MED15: variants seen among roughly 807,000 people sequenced by gnomAD.
MED15 encodes the protein mediator of RNA polymerase II transcription subunit 15.
In MED15, 41 loss-of-function variants were observed where a neutral mutation model predicts 118.7. That is an observed-to-expected ratio of 0.35 (90% CI 0.27 to 0.45). The LOEUF is 0.45. Among genes scored for constraint, MED15 ranks in the 20% least tolerant of loss-of-function variants. MED15 has a pLI of 1.00. For missense variants in MED15, 740 were observed against 1,025.5 expected (o/e 0.72, Z 3.80); for synonymous variants, 436 against 413.9 (o/e 1.05, Z -0.65).
At chr22:20,509,160 G>A (rs1301018653) in intron 1 of MED15, among the ~76,000 whole-genome samples, 1 of 152,116 alleles carries the variant, frequency 6.6e-6, no homozygotes, top group African/African-American at 2.4e-5. Flanking sequence ...CGAGGAGTAA[G>A]AGAGCCCAGG....
chr22:20,508,296 AGCGATCGTCGTTTCT>A, intron 1 of MED15: 2 of 1,302,640 alleles, frequency 1.5e-6, no homozygotes, highest in Non-Finnish European at 2.0e-6. Flanking sequence ...GCTGTCAGGA[AGCGATCGTCGTTTCT>A]GGAGGAGAGC....
intron 5 of MED15, 30 bp downstream of exon 5, chr22:20,555,178 C>T (rs201213617): frequency 4.6e-6 from 7 of 1,538,112 alleles, no homozygotes; most frequent in East Asian, 4.8e-5. Flanking sequence ...GAGGATTTGC[C>T]GCTTTCCTTG....
rs910679232 is a variant in MED15, at chr22:20,507,888, G to A, written c.68+142G>A. ...GGACTTGCGTGGGTCCCAGGGCTCG[G>A]GCCCCCCCGTCTGTCCCCTCCGTTC... On this transcript the variant is annotated intron_variant, in intron 1 of 17. Coordinates refer to ENST00000263205, the MANE Select transcript of MED15 (RefSeq NM_001003891.3). The A allele has an allele frequency of 4.4e-5, 66 of 1,485,096 alleles. 1 individual carries two copies. Among genetic ancestry groups the A allele is most frequent in the Non-Finnish European group, 1.1e-5 (12 of 1,115,638 alleles). The allele number at this position is 1,485,096 out of a possible 1,614,324, so 92.0% of individuals were successfully genotyped here.
intron 2 of MED15, among the ~76,000 whole-genome samples, chr22:20,544,670 A>C (rs1350489233): frequency 2.0e-5 from 3 of 151,772 alleles, no homozygotes; most frequent in African/African-American, 7.2e-5. Flanking sequence ...TGTCTCAAAA[A>C]AACAAACAAA....
chr22:20,543,793 G>T (rs1352820104), intron 2 of MED15, among the ~76,000 whole-genome samples: 5 of 150,042 alleles, frequency 3.3e-5, no homozygotes, highest in Non-Finnish European at 7.4e-5. Flanking sequence ...CCTGACCTCA[G>T]GTGATCTGCC....
In MED15 at chr22:20,582,762, G is replaced by C. The variant is rs763614093; in HGVS notation, c.1409+15G>C. Reference sequence around the variant, plus strand: ...TCCAACGTCAGGTAGGCCTGGCCTGGGGTGCCCCTCCCCACCTGGCCCTCG... The same window carrying C: ...TCCAACGTCAGGTAGGCCTGGCCTGCGGTGCCCCTCCCCACCTGGCCCTCG... On this transcript the variant is annotated intron_variant, in intron 10 of 17. Coordinates refer to ENST00000263205, the MANE Select transcript of MED15 (RefSeq NM_001003891.3). The C allele has an allele frequency of 1.1e-5, 17 of 1,589,098 alleles. 1 individual carries two copies. Among genetic ancestry groups the C allele is most frequent in the East Asian group, 4.5e-5 (2 of 44,492 alleles).
intron 1 of MED15, among the ~76,000 whole-genome samples, chr22:20,531,913 C>T (rs1455870218): frequency 6.6e-6 from 1 of 152,188 alleles, no homozygotes; most frequent in African/African-American, 2.4e-5. Context: ...CCCTAACAGG[C>T]CTGATGGGAT....
chr22:20,558,727 A>G (rs1201171474), intron 5 of MED15, among the ~76,000 whole-genome samples: 2 of 152,134 alleles, frequency 1.3e-5, no homozygotes, highest in African/African-American at 4.8e-5. Flanking sequence ...TCCTGTAGTC[A>G]GCCAGGATTT....
chr22:20,512,732 C>T (rs2054115763), intron 1 of MED15, among the ~76,000 whole-genome samples: 1 of 151,290 alleles, frequency 6.6e-6, no homozygotes, highest in Non-Finnish European at 1.5e-5. Context: ...GCTGGGACTA[C>T]AGGCGCCCGC....
At chr22:20,551,281 G>A (rs149369567) in intron 2 of MED15, 155 bp from the exon 3 acceptor site, 54 of 783,096 alleles carry the variant, frequency 6.9e-5, no homozygotes, top group Middle Eastern at 2.3e-4. Flanking sequence ...GCTCTCTTCC[G>A]AGAGGCGGAT....
rs1248671295 is a variant in MED15 at position 20,518,995 on chromosome 22, G to C, written c.68+11249G>C. 3 of 390,042 alleles carry C rather than the reference G, an allele frequency of 7.7e-6. No individual in the cohort carries two copies. In the Admixed American group the frequency reaches 9.0e-5, roughly 12 times the overall value. 24.2% of individuals were successfully genotyped at this position (390,042 alleles called of 1,614,324 possible). On this transcript the variant is annotated intron_variant, in intron 1 of 17. Transcript: ENST00000263205. ...AGCCTCCCAAGTAGCTGGGACCACAGGTGTGTGCCTCCATGCCCGGCTAAT... is the reference window on the plus strand; with the variant it reads ...AGCCTCCCAAGTAGCTGGGACCACACGTGTGTGCCTCCATGCCCGGCTAAT...
At chr22:20,549,883 CT>C (rs944529779) in intron 2 of MED15, among the ~76,000 whole-genome samples, 1 of 152,172 alleles carries the variant, frequency 6.6e-6, no homozygotes, top group Non-Finnish European at 1.5e-5. Flanking sequence ...TTGCTCAGCC[CT>C]GGTGTTATGC....
At chr22:20,584,623 C>T (rs573720381) in intron 14 of MED15, 198 bp downstream of exon 14, 71 of 805,240 alleles carry the variant, frequency 8.8e-5, no homozygotes, top group African/African-American at 8.2e-4. Flanking sequence ...TCTACGGCCC[C>T]CGTGGGTGCC....
chr22:20,512,128 A>G (rs941386760), intron 1 of MED15, among the ~76,000 whole-genome samples: 1 of 151,216 alleles, frequency 6.6e-6, no homozygotes, highest in African/African-American at 2.4e-5. Context: ...AGCTGGGACT[A>G]CAGGCACACA....
Position 20,583,382 on chromosome 22 carries a change from C to T in MED15, c.1725C>T (p.Asp575=), listed in dbSNP as rs760664687. 23 of 1,611,756 alleles carry T rather than the reference C, an allele frequency of 1.4e-5. No homozygotes were observed. Among genetic ancestry groups the T allele is most frequent in the Middle Eastern group, 4.4e-4 (2 of 4,558 alleles). Residue 575 remains aspartate, a synonymous_variant, in exon 13 of 18, where the codon GAC becomes GAT. Transcript: ENST00000263205. Reference sequence around the variant, plus strand: ...AGAGCCTTCTGGACATTCTGACAGACCCCTCGAAGCGGTGAGCTTTGCCCA... The same window carrying T: ...AGAGCCTTCTGGACATTCTGACAGATCCCTCGAAGCGGTGAGCTTTGCCCA... ...KMKSLLDILT[D]PSKRCPLKTL...
chr22:20,525,506 A>C (rs2054603073), intron 1 of MED15, among the ~76,000 whole-genome samples: 1 of 142,906 alleles, frequency 7.0e-6, no homozygotes, highest in Non-Finnish European at 1.5e-5. Flanking sequence ...TGAGCCATTG[A>C]GCCTGGCCAA....
At chr22:20,577,986 G>A (rs774566426) in intron 9 of MED15, among the ~76,000 whole-genome samples, 7 of 151,958 alleles carry the variant, frequency 4.6e-5, no homozygotes, top group South Asian at 2.1e-4. Flanking sequence ...GTGCAATGGC[G>A]CACTCCTGGC....
At chr22:20,531,379 C>T (rs983052511) in intron 1 of MED15, among the ~76,000 whole-genome samples, 1 of 152,234 alleles carries the variant, frequency 6.6e-6, no homozygotes, top group African/African-American at 2.4e-5. Context: ...TGTGCACCTT[C>T]GTCCTGGCCA....
At chr22:20,584,485 T>C (rs1572878) in intron 14 of MED15, 60 bp downstream of exon 14, 112,901 of 1,580,086 alleles carry the variant, frequency 0.071, 7,457 homozygotes, top group East Asian at 0.4. Flanking sequence ...CTCCTGGGAG[T>C]GCTGCTGAGA....
Sources: gnomAD v4.1 joint callset for allele counts (sites outside exome capture counted in the v4.1 genomes callset) on GRCh38, gnomAD v4.1.1 for gene constraint, MANE v1.5 for transcripts, NCBI Gene and HGNC (gene_info 2026-07-23, HGNC 2026-07-21) for gene names.